The following TOPAZ1 variants were observed in gnomAD, a reference collection of about 807,000 sequenced individuals.
The protein encoded by TOPAZ1 is protein TOPAZ1.
Under a neutral mutation model 172.2 loss-of-function variants are expected in TOPAZ1, and 66 were observed. The observed-to-expected ratio is 0.38, with a 90% confidence interval of 0.31 to 0.47. TOPAZ1 has a LOEUF of 0.47. Ranked by LOEUF, TOPAZ1 falls within the 20% of genes least tolerant of loss-of-function variation. The pLI is 0.99. For missense variants in TOPAZ1, 1,822 were observed against 1,972.4 expected, an observed-to-expected ratio of 0.92 and a Z score of 1.44; for synonymous variants, 681 against 683.9, an observed-to-expected ratio of 1.00 and a Z score of 0.07.
At chr3:44,285,758 A>G (rs982150091) in intron 9 of TOPAZ1, among the ~76,000 whole-genome samples, 1 of 151,478 alleles carries the variant, frequency 6.6e-6, no homozygotes, top group African/African-American at 2.4e-5. Context: ...TTTAGCAGAG[A>G]CAAGGTCTCA....
At position 44,253,724 on chromosome 3, in the gene TOPAZ1, A is replaced by G. The variant is rs138394537; in HGVS notation, c.2766-1244A>G. ...GTATTATTTCCCCATCCTTTAAACT[A>G]TACTTCTCATTGTTTCTAGGGTTTA... On this transcript the variant is annotated intron_variant, in intron 2 of 19. Transcript: ENST00000309765. Among the ~76,000 whole-genome samples the G allele has an allele frequency of 1.9e-3, 291 of 152,308 alleles. 2 individuals carry two copies. In the East Asian group the frequency reaches 0.028, roughly 15 times the overall value.
chr3:44,280,094 G>A (rs1259670205), intron 8 of TOPAZ1, among the ~76,000 whole-genome samples: 1 of 151,938 alleles, frequency 6.6e-6, no homozygotes, highest in East Asian at 1.9e-4. Flanking sequence ...TGCTTGTCTG[G>A]GAAAGACTTT....
At chr3:44,330,902 G>A (rs1700660513) in intron 19 of TOPAZ1, among the ~76,000 whole-genome samples, 1 of 152,104 alleles carries the variant, frequency 6.6e-6, no homozygotes, top group African/African-American at 2.4e-5. Context: ...AATTAATTCT[G>A]GCACTTAAGG....
intron 16 of TOPAZ1, among the ~76,000 whole-genome samples, chr3:44,313,878 C>T (rs999218141): frequency 5.9e-5 from 9 of 152,054 alleles, no homozygotes; most frequent in African/African-American, 2.2e-4. Context: ...CTATAAAAGT[C>T]CTCTACACCT....
chr3:44,268,363 A>ATTTTTTT, intron 6 of TOPAZ1, among the ~76,000 whole-genome samples: 1 of 91,758 alleles, frequency 1.1e-5, no homozygotes. Context: ...TGTGGTGCCT[A>ATTTTTTT]TTCTTTTTTT....
intron 14 of TOPAZ1, among the ~76,000 whole-genome samples, chr3:44,305,916 AC>A (rs990401956): frequency 2.8e-4 from 43 of 152,328 alleles, no homozygotes; most frequent in African/African-American, 9.9e-4. Flanking sequence ...ACTATTGCTA[AC>A]AAATTATAGT....
Position 44,255,662 on chromosome 3 carries a change from AAT to A in TOPAZ1, c.2828-481_2828-480del, listed in dbSNP as rs1553645451. Among the ~76,000 whole-genome samples the A allele has an allele frequency of 1.7e-3, 137 of 80,006 alleles. 5 individuals carry two copies. Among genetic ancestry groups the A allele is most frequent in the Non-Finnish European group, 2.3e-3 (98 of 43,486 alleles). The allele number at this position is 80,006 out of a possible 152,430, so 52.5% of individuals were successfully genotyped here. On this transcript the variant is annotated intron_variant, in intron 3 of 19. Transcript: ENST00000309765. ...GCGAGACTCTGTCTCAAAAAAAAAAAATATATATACACACACACACACACACA... is the reference window on the plus strand; with the variant it reads ...GCGAGACTCTGTCTCAAAAAAAAAAAATATATACACACACACACACACACA...
In TOPAZ1 at chr3:44,241,995, C is replaced by A; in HGVS notation, c.-59C>A. The A allele has an allele frequency of 6.8e-7, 1 of 1,479,674 alleles. No homozygotes were observed. Among genetic ancestry groups the A allele is most frequent in the Non-Finnish European group, 9.1e-7 (1 of 1,101,728 alleles). 91.7% of individuals were successfully genotyped at this position (1,479,674 alleles called of 1,614,324 possible). On this transcript the variant is annotated 5_prime_UTR_variant, in exon 1 of 20. Transcript: ENST00000309765. ...CCTCCAGGCGGGAGCAGCGTTTGCA[C>A]CGCGGTGGGTTCCTGCGAGCTGGTG...
At chr3:44,334,681 TAGTA>T (rs1407275674), downstream of TOPAZ1, among the ~76,000 whole-genome samples, 2 of 152,176 alleles carry the variant, frequency 1.3e-5, no homozygotes, top group African/African-American at 4.8e-5. Flanking sequence ...GGGAACCAAT[TAGTA>T]AGGATTTTGG....
At chr3:44,297,630 T>G (rs1182523499) in intron 12 of TOPAZ1, among the ~76,000 whole-genome samples, 1 of 152,174 alleles carries the variant, frequency 6.6e-6, no homozygotes, top group Admixed American at 6.6e-5. Flanking sequence ...ATGATAAATC[T>G]TAGCCAGTGT....
chr3:44,274,152 G>T (rs1352019520), intron 8 of TOPAZ1, among the ~76,000 whole-genome samples: 1 of 147,206 alleles, frequency 6.8e-6, no homozygotes, highest in African/African-American at 2.5e-5. Flanking sequence ...GCTGAGGCCT[G>T]TAATCCCAGC....
chr3:44,257,352 GGTGTGTGTGTGTGTGTGTGTGT>G (rs59827431), intron 4 of TOPAZ1, among the ~76,000 whole-genome samples: 50 of 110,402 alleles, frequency 4.5e-4, no homozygotes, highest in African/African-American at 9.7e-4. Flanking sequence ...AAAACATAGG[GGTGTGTGTGTGTGTGTGTGTGT>G]GTGTGTGTGT....
At chr3:44,317,483 C>T (rs1700464248) in intron 16 of TOPAZ1, among the ~76,000 whole-genome samples, 1 of 152,072 alleles carries the variant, frequency 6.6e-6, no homozygotes, top group Admixed American at 6.6e-5. Context: ...AGATACTCCC[C>T]CATTTTAGTA....
In TOPAZ1 at chr3:44,243,692, T is replaced by C. The variant is rs771434307; in HGVS notation, c.1186T>C (p.Leu396=). 1.3e-6 allele frequency: 2 copies of C among 1,550,442 alleles called. No individual in the cohort carries two copies. The highest frequency in any genetic ancestry group is 2.4e-5 in the South Asian group (2 of 83,856). The change falls in exon 2 of 20, where the codon TTA becomes CTA. Residue 396 remains leucine (L), a synonymous_variant. Coordinates refer to ENST00000309765, the MANE Select transcript of TOPAZ1 (RefSeq NM_001145030.2). The stretch of plus-strand genomic sequence containing the variant: ...TACAGTCTCTTTGATGGATCATTTA[T>C]TAAGTGTCCCAGAAACAGTAGAAAA... ...HNTVSLMDHL[L]SVPETVEKET...
downstream of TOPAZ1, among the ~76,000 whole-genome samples, chr3:44,334,039 A>T (rs894369182): frequency 6.6e-6 from 1 of 152,228 alleles, no homozygotes; most frequent in African/African-American, 2.4e-5. Flanking sequence ...AGGGTTGCAC[A>T]GTGAGTTTTG....
At chr3:44,265,203 C>CA (rs1559530459) in intron 5 of TOPAZ1, among the ~76,000 whole-genome samples, 1 of 152,160 alleles carries the variant, frequency 6.6e-6, no homozygotes, top group African/African-American at 2.4e-5. Flanking sequence ...AATAATAAGT[C>CA]TTGAAAGTCA....
At position 44,257,412 on chromosome 3, in the gene TOPAZ1, T is replaced by TG. The variant is rs1321624131; in HGVS notation, c.2955+1134_2955+1135insG. On this transcript the variant is annotated intron_variant, in intron 4 of 19. Coordinates refer to ENST00000309765, the MANE Select transcript of TOPAZ1 (RefSeq NM_001145030.2). ...GTGTGTGTGTGTGTGTGTGTGTCTA[T>TG]TTTATATATTTTATATATATATAAA... Among the ~76,000 whole-genome samples the TG allele has an allele frequency of 4.9e-3, 601 of 122,606 alleles. 2 individuals are homozygous for TG. Among genetic ancestry groups the TG allele is most frequent in the Non-Finnish European group, 5.5e-3 (328 of 60,102 alleles). 80.4% of individuals were successfully genotyped at this position (122,606 alleles called of 152,430 possible).
chr3:44,314,519 C>T (rs1261558670), intron 16 of TOPAZ1, among the ~76,000 whole-genome samples: 1 of 152,006 alleles, frequency 6.6e-6, no homozygotes, highest in Non-Finnish European at 1.5e-5. Context: ...AATTCCAATC[C>T]AGGTCTATCT....
chr3:44,312,374 C>T (rs1484406267), intron 16 of TOPAZ1, among the ~76,000 whole-genome samples: 1 of 152,122 alleles, frequency 6.6e-6, no homozygotes, highest in Non-Finnish European at 1.5e-5. Context: ...GTAATAGTGG[C>T]TGACTCTGCC....
Sources: allele counts gnomAD v4.1 joint callset (sites outside exome capture counted in the v4.1 genomes callset), GRCh38; gene constraint gnomAD v4.1.1; transcripts MANE v1.5; gene names NCBI Gene and HGNC (gene_info 2026-07-23, HGNC 2026-07-21).